BATF: variants seen among roughly 807,000 people sequenced by gnomAD.
BATF encodes the protein basic leucine zipper transcriptional factor ATF-like.
In BATF, 5 loss-of-function variants were observed where a neutral mutation model predicts 13.7. The ratio of observed to expected loss-of-function variants is 0.36; its 90% confidence interval spans 0.19 to 0.77. The LOEUF (loss-of-function observed/expected upper bound fraction) is 0.77, where lower values mean the gene tolerates loss of function less well. BATF is among the 30% of genes least tolerant of loss of function. The probability of loss-of-function intolerance (pLI) is 0.51; values close to 1 mark genes in which losing one functional copy is unlikely to be tolerated. For missense variants in BATF, 124 were observed against 163.0 expected (o/e 0.76, Z 1.30); for synonymous variants, 72 against 67.5 (o/e 1.07, Z -0.33).
intron 2 of BATF, among the ~76,000 whole-genome samples, chr14:75,540,578 C>G (rs896887346): frequency 6.6e-6 from 1 of 152,358 alleles, no homozygotes; most frequent in African/African-American, 2.4e-5. Context: ...GGCACAGACT[C>G]TGAAGCCAGA....
Position 75,522,628 on chromosome 14 carries a change from C to A in BATF, c.-55C>A, listed in dbSNP as rs373548186. 1 of 1,607,610 alleles carries A rather than the reference C, an allele frequency of 6.2e-7. No homozygotes were observed. Among genetic ancestry groups the A allele is most frequent in the East Asian group, 2.2e-5 (1 of 44,824 alleles). On this transcript the variant is annotated 5_prime_UTR_variant, in exon 1 of 3. Coordinates refer to ENST00000286639, the MANE Select transcript of BATF (RefSeq NM_006399.5). ...GTCAGGAAGGGAGCCCAGCTGGTGACAAGAGAGCCCAGAGGTGCCTGGGGC... is the reference window on the plus strand; with the variant it reads ...GTCAGGAAGGGAGCCCAGCTGGTGAAAAGAGAGCCCAGAGGTGCCTGGGGC...
At chr14:75,524,817 C>G (rs912936568) in intron 1 of BATF, among the ~76,000 whole-genome samples, 15 of 150,138 alleles carry the variant, frequency 1.0e-4, no homozygotes, top group African/African-American at 2.5e-4. Context: ...TTTTTTTGGC[C>G]AAATACAGCT....
At chr14:75,526,986 A>C (rs1258652309) in intron 2 of BATF, among the ~76,000 whole-genome samples, 3 of 152,170 alleles carry the variant, frequency 2.0e-5, no homozygotes, top group Non-Finnish European at 2.9e-5. Context: ...TCTTAAGTGG[A>C]ATGTAAGTAT....
Position 75,546,443 on chromosome 14 carries a change from C to T in BATF, c.169-19C>T, listed in dbSNP as rs1269658027. On this transcript the variant is annotated intron_variant, in intron 2 of 2. Transcript: ENST00000286639. ...CCTTCCTAGACACTAACCTCCGGTG[C>T]TGATCCCCACCCCTACAGGAGAGCG... 1 of 1,613,468 alleles carries T rather than the reference C, an allele frequency of 6.2e-7. No homozygotes were observed. The highest frequency in any genetic ancestry group is 1.1e-5 in the South Asian group (1 of 91,032).
intron 2 of BATF, among the ~76,000 whole-genome samples, chr14:75,534,257 T>A (rs780026017): frequency 6.6e-6 from 1 of 152,188 alleles, no homozygotes; most frequent in African/African-American, 2.4e-5. Flanking sequence ...AGGACTCCAA[T>A]AGACAAGTGG....
chr14:75,527,774 T>C (rs1890720524), intron 2 of BATF, among the ~76,000 whole-genome samples: 1 of 152,198 alleles, frequency 6.6e-6, no homozygotes, highest in Non-Finnish European at 1.5e-5. Context: ...AATGTTCCAA[T>C]CTTCCCCACA....
chr14:75,537,693 T>A (rs968677788), intron 2 of BATF, among the ~76,000 whole-genome samples: 16 of 152,190 alleles, frequency 1.1e-4, no homozygotes, highest in Non-Finnish European at 2.9e-5. Context: ...AATTTAAGAA[T>A]ATAATAGTAG....
chr14:75,545,487 C>T (rs545553907), intron 2 of BATF, among the ~76,000 whole-genome samples: 3 of 150,874 alleles, frequency 2.0e-5, no homozygotes, highest in East Asian at 2.0e-4. Flanking sequence ...CACCCACCTC[C>T]GCCTCCCAAA....
intron 2 of BATF, among the ~76,000 whole-genome samples, chr14:75,533,449 ATGAC>A (rs1887770457): frequency 6.6e-6 from 1 of 151,456 alleles, no homozygotes; most frequent in Non-Finnish European, 1.5e-5. Flanking sequence ...AAAAAAAAGA[ATGAC>A]TGTCTGTCTA....
At chr14:75,533,289 G>T (rs1339679928) in intron 2 of BATF, among the ~76,000 whole-genome samples, 1 of 152,024 alleles carries the variant, frequency 6.6e-6, no homozygotes, top group African/African-American at 2.4e-5. Flanking sequence ...TTAGCCAGGC[G>T]TGGTGGCGGG....
intron 2 of BATF, 97 bp downstream of exon 2, chr14:75,525,285 G>T: frequency 7.6e-7 from 1 of 1,316,794 alleles, no homozygotes. Flanking sequence ...TGCTTGTGTG[G>T]GGATGTGTAT....
intron 1 of BATF, among the ~76,000 whole-genome samples, chr14:75,523,960 C>T (rs929000113): frequency 7.9e-5 from 12 of 152,170 alleles, no homozygotes; most frequent in Admixed American, 2.6e-4. Flanking sequence ...CCTGGTGCCC[C>T]ATCCCCCTTA....
intron 2 of BATF, among the ~76,000 whole-genome samples, chr14:75,530,186 G>T (rs1418119556): frequency 6.6e-6 from 1 of 152,134 alleles, no homozygotes; most frequent in Admixed American, 6.5e-5. Context: ...TTAGGAAAAT[G>T]CCAATTAAAG....
intron 2 of BATF, among the ~76,000 whole-genome samples, chr14:75,543,086 A>G (rs1661644001): frequency 6.6e-6 from 1 of 152,232 alleles, no homozygotes; most frequent in African/African-American, 2.4e-5. Flanking sequence ...GGAAGGAGCC[A>G]GGACTCCCGG....
Position 75,525,208 on chromosome 14 carries a change from T to C in BATF, c.168+20T>C. Reference sequence around the variant, plus strand: ...CACCTGGTAAGTGTTCAGATCAATCTTCATCCTCGTGAGCTTTAGGCTTTG... The same window carrying C: ...CACCTGGTAAGTGTTCAGATCAATCCTCATCCTCGTGAGCTTTAGGCTTTG... On this transcript the variant is annotated intron_variant, in intron 2 of 2. Transcript: ENST00000286639. The C allele has an allele frequency of 6.2e-7, 1 of 1,607,112 alleles. No individual in the cohort carries two copies. Among genetic ancestry groups the C allele is most frequent in the South Asian group, 1.1e-5 (1 of 90,284 alleles).
chr14:75,526,466 G>T (rs1004359324), intron 2 of BATF, among the ~76,000 whole-genome samples: 4 of 152,234 alleles, frequency 2.6e-5, no homozygotes, highest in African/African-American at 9.6e-5. Context: ...CAGCCAGTTA[G>T]AATGGCTGTG....
At chr14:75,524,152 C>T (rs1457001295) in intron 1 of BATF, among the ~76,000 whole-genome samples, 1 of 152,162 alleles carries the variant, frequency 6.6e-6, no homozygotes, top group Non-Finnish European at 1.5e-5. Flanking sequence ...ACTCCTACAC[C>T]TACACTGCAG....
At chr14:75,526,135 C>A (rs1187072637) in intron 2 of BATF, among the ~76,000 whole-genome samples, 1 of 152,214 alleles carries the variant, frequency 6.6e-6, no homozygotes, top group Admixed American at 6.5e-5. Flanking sequence ...AACTGCAGTT[C>A]CGCCAGTGGC....
At position 75,546,573 on chromosome 14, in the gene BATF, T is replaced by C; in HGVS notation, c.280T>C (p.Ser94Pro). Reference protein sequence around the residue: ...SVLNSHEPLCSVLAASTPSPP... With the variant: ...SVLNSHEPLCPVLAASTPSPP... ...GCTGAACAGCCACGAGCCCCTGTGC[T>C]CGGTGCTGGCCGCCAGCACGCCCTC... is the stretch of plus-strand genomic sequence containing the variant. The change falls in exon 3 of 3, where the codon TCG becomes CCG. Residue 94 changes from serine (S) to proline (P), a missense_variant. This residue lies in a region of BATF where 59 missense variants were observed against 49.7 expected (regional missense o/e 1.19). Transcript: ENST00000286639. 6.2e-7 allele frequency: 1 copy of C among 1,614,060 alleles called. No homozygotes were observed. Among genetic ancestry groups the C allele is most frequent in the East Asian group, 2.2e-5 (1 of 44,876 alleles).
Sources: allele counts gnomAD v4.1 joint callset (sites outside exome capture counted in the v4.1 genomes callset), GRCh38; gene constraint gnomAD v4.1.1; regional missense constraint gnomAD v4.1.1; transcripts MANE v1.5; gene names NCBI Gene and HGNC (gene_info 2026-07-23, HGNC 2026-07-21).